The following PHYH variants were observed in gnomAD, a reference collection of about 807,000 sequenced individuals.
PHYH encodes phytanoyl-CoA 2-hydroxylase, also known as phytanoyl-CoA dioxygenase, peroxisomal.
PHYH carries 32 observed loss-of-function variants against 38.5 expected under a neutral mutation model. The observed-to-expected ratio is 0.83, with a 90% confidence interval of 0.63 to 1.12. The LOEUF (loss-of-function observed/expected upper bound fraction) is 1.12, where lower values mean the gene tolerates loss of function less well. Ranked by LOEUF, PHYH falls within the 50% of genes most tolerant of loss-of-function variation. The probability of loss-of-function intolerance (pLI) is 0.00; values close to 1 mark genes in which losing one functional copy is unlikely to be tolerated. For missense variants in PHYH, 426 were observed against 434.8 expected, an observed-to-expected ratio of 0.98 and a Z score of 0.18; for synonymous variants, 166 against 157.9, an observed-to-expected ratio of 1.05 and a Z score of -0.38.
At chr10:13,279,717 A>C (rs1384062512) in intron 8 of PHYH, among the ~76,000 whole-genome samples, 1 of 152,226 alleles carries the variant, frequency 6.6e-6, no homozygotes, top group Non-Finnish European at 1.5e-5. Flanking sequence ...TAACTTACAG[A>C]GTAATTAAAC....
In PHYH at chr10:13,280,752, C is replaced by T. The variant is rs1243940524; in HGVS notation, c.963+224G>A. Among the ~76,000 whole-genome samples, 3 of 152,208 alleles carry T rather than the reference C, an allele frequency of 2.0e-5. No individual in the cohort carries two copies. The East Asian group carries it at 5.8e-4, about 29-fold the overall frequency. ...ACAGCCAGCACACCTCTGGACAGCC[C>T]CAAGACATAAAGAAGCAGCAGGAAG... On this transcript the variant is annotated intron_variant, in intron 8 of 8. Coordinates refer to ENST00000263038, the MANE Select transcript of PHYH (RefSeq NM_006214.4).
intron 5 of PHYH, among the ~76,000 whole-genome samples, chr10:13,289,081 C>T (rs1411086583): frequency 6.6e-6 from 1 of 152,148 alleles, no homozygotes; most frequent in African/African-American, 2.4e-5. Context: ...AACACACTGG[C>T]TCCACATCTT....
At position 13,295,825 on chromosome 10, in the gene PHYH, C is replaced by T. The variant is rs568784553; in HGVS notation, c.135-219G>A. 2.9e-4 allele frequency among the ~76,000 whole-genome samples: 35 copies of T among 119,896 alleles called. No individual in the cohort carries two copies. The Admixed American group carries it at 3.2e-3, about 11-fold the overall frequency. The allele number at this position is 119,896 out of a possible 152,430, so 78.7% of individuals were successfully genotyped here. On this transcript the variant is annotated intron_variant, in intron 2 of 8. Coordinates refer to ENST00000263038, the MANE Select transcript of PHYH (RefSeq NM_006214.4). ...CCAGCATGGGCGACAGAGTGAGACCCTGTCTCAAAAAAAAAAAAAAAATTT... is the reference window on the plus strand; with the variant it reads ...CCAGCATGGGCGACAGAGTGAGACCTTGTCTCAAAAAAAAAAAAAAAATTT...
chr10:13,281,472 C>G (rs528401334), intron 7 of PHYH, among the ~76,000 whole-genome samples: 14 of 151,636 alleles, frequency 9.2e-5, no homozygotes, highest in African/African-American at 3.4e-4. Flanking sequence ...CTGCATTCCA[C>G]GGCAGTTTAT....
chr10:13,284,159 C>A (rs1456239851), intron 6 of PHYH, among the ~76,000 whole-genome samples: 2 of 151,940 alleles, frequency 1.3e-5, no homozygotes, highest in East Asian at 3.9e-4. Context: ...CCCATCTCTA[C>A]AAAAACTGCA....
At chr10:13,291,066 C>T (rs1016926608) in intron 5 of PHYH, among the ~76,000 whole-genome samples, 2 of 129,520 alleles carry the variant, frequency 1.5e-5, no homozygotes, top group Non-Finnish European at 3.1e-5. Flanking sequence ...ATCGCGCTAT[C>T]GCACTCCAGC....
In PHYH at chr10:13,298,921, AAAATAATAATAATAATAAT is replaced by A. The variant is rs200058059; in HGVS notation, c.76-695_76-677del. On this transcript the variant is annotated intron_variant, in intron 1 of 8. Transcript: ENST00000263038. The stretch of plus-strand genomic sequence containing the variant: ...GACCACAGAGCAAGACTCCGTCTCA[AAAATAATAATAATAATAAT>A]AATAATAATAATAATAATAATAATA... Among the ~76,000 whole-genome samples the A allele has an allele frequency of 1.3e-3, 108 of 84,058 alleles. 1 individual carries two copies. The highest frequency in any genetic ancestry group is 1.5e-3 in the Non-Finnish European group (53 of 34,646). 55.1% of individuals were successfully genotyped at this position (84,058 alleles called of 152,430 possible).
rs547226475 is a variant in PHYH, at chr10:13,283,816, G to A, written c.702C>T (p.His234=). The change falls in exon 7 of 9, where the codon CAC becomes CAT. Residue 234 remains histidine, a synonymous_variant. Coordinates refer to ENST00000263038, the MANE Select transcript of PHYH (RefSeq NM_006214.4). ...KWEGGVNKMF[H]GIQDYEENKA... Reference sequence around the variant, plus strand: ...TGTTTTCCTCGTAGTCCTGGATCCCGTGGAACATTTTGTTAACTCCCCCCT... The same window carrying A: ...TGTTTTCCTCGTAGTCCTGGATCCCATGGAACATTTTGTTAACTCCCCCCT... 2.7e-5 allele frequency: 43 copies of A among 1,613,888 alleles called. No individual in the cohort carries two copies. The highest frequency in any genetic ancestry group is 2.1e-4 in the African/African-American group (16 of 75,020).
intron 8 of PHYH, among the ~76,000 whole-genome samples, chr10:13,278,878 T>A (rs1439395321): frequency 6.6e-6 from 1 of 152,188 alleles, no homozygotes; most frequent in East Asian, 1.9e-4. Context: ...CTAAATTAAG[T>A]CAGTGGGTCC....
At chr10:13,284,363 A>G (rs1835494650) in intron 6 of PHYH, among the ~76,000 whole-genome samples, 1 of 152,204 alleles carries the variant, frequency 6.6e-6, no homozygotes, top group Non-Finnish European at 1.5e-5. Context: ...ACATGTTGAT[A>G]TTAAAATCAC....
rs1397286149 is a variant in PHYH, at chr10:13,293,668, T to C, written c.414+760A>G. 2.6e-5 allele frequency among the ~76,000 whole-genome samples: 4 copies of C among 152,268 alleles called. No homozygotes were observed. The East Asian group carries it at 7.7e-4, about 29-fold the overall frequency. On this transcript the variant is annotated intron_variant, in intron 4 of 8. Coordinates refer to ENST00000263038, the MANE Select transcript of PHYH (RefSeq NM_006214.4). The stretch of plus-strand genomic sequence containing the variant: ...TCCAATATAGACAATGGTCTCACTA[T>C]GTTGCCAGACTGGTCTTGAACACCT...
At chr10:13,296,100 G>A (rs540482310) in intron 2 of PHYH, among the ~76,000 whole-genome samples, 16 of 151,208 alleles carry the variant, frequency 1.1e-4, no homozygotes, top group African/African-American at 3.2e-4. Flanking sequence ...CTTGGGAGGC[G>A]GAGGTTGCAG....
chr10:13,295,173 T>C (rs1278405134), intron 3 of PHYH: 4 of 298,494 alleles, frequency 1.3e-5, no homozygotes, highest in Non-Finnish European at 2.5e-5. Context: ...AACAAAGAAA[T>C]AAAAAATTAG....
At position 13,280,805 on chromosome 10, in the gene PHYH, A is replaced by C. The variant is rs553699350; in HGVS notation, c.963+171T>G. Among the ~76,000 whole-genome samples, 7 of 152,336 alleles carry C rather than the reference A, an allele frequency of 4.6e-5. No homozygotes were observed. In the East Asian group the frequency reaches 1.3e-3, roughly 29 times the overall value. ...CTCAAGCCTCCTGCACGGGGGCACA[A>C]GTGTAAATGGAAATTCCATTGTCAT... is the stretch of plus-strand genomic sequence containing the variant. On this transcript the variant is annotated intron_variant, in intron 8 of 8. Transcript: ENST00000263038.
intron 6 of PHYH, among the ~76,000 whole-genome samples, chr10:13,285,610 T>TC (rs1434018770): frequency 2.7e-5 from 4 of 149,708 alleles, no homozygotes; most frequent in Non-Finnish European, 5.9e-5. Flanking sequence ...TCTTTTCTTT[T>TC]TTTTTTTTTT....
chr10:13,282,435 T>C (rs1835433950), intron 7 of PHYH, among the ~76,000 whole-genome samples: 1 of 151,524 alleles, frequency 6.6e-6, no homozygotes, highest in South Asian at 2.1e-4. Context: ...TACTAAAAAA[T>C]ACAAAAATTA....
intron 6 of PHYH, among the ~76,000 whole-genome samples, chr10:13,286,294 G>T (rs1255572390): frequency 2.0e-5 from 3 of 152,106 alleles, no homozygotes; most frequent in African/African-American, 7.2e-5. Flanking sequence ...TTGAAGAGCC[G>T]ATTTGATCCC....
chr10:13,289,475 G>A (rs891794539), intron 5 of PHYH, among the ~76,000 whole-genome samples: 4 of 152,150 alleles, frequency 2.6e-5, no homozygotes, highest in Non-Finnish European at 5.9e-5. Flanking sequence ...GATTCCAGGC[G>A]TGAGCCACCA....
chr10:13,286,539 A>G lies in PHYH; in HGVS notation c.678+1821T>C, dbSNP rs192058947. 2.7e-3 allele frequency among the ~76,000 whole-genome samples: 407 copies of G among 152,144 alleles called. 2 individuals carry two copies. The highest frequency in any genetic ancestry group is 9.1e-3 in the African/African-American group (377 of 41,522). ...AACATAGTGAAAACTCGTCTCTACT[A>G]AAAATATAAAAATTAGCTGAGCATG... On this transcript the variant is annotated intron_variant, in intron 6 of 8. Coordinates refer to ENST00000263038, the MANE Select transcript of PHYH (RefSeq NM_006214.4).
Sources: gnomAD v4.1 joint callset for allele counts (sites outside exome capture counted in the v4.1 genomes callset) on GRCh38, gnomAD v4.1.1 for gene constraint, MANE v1.5 for transcripts, NCBI Gene and HGNC (gene_info 2026-07-23, HGNC 2026-07-21) for gene names.